SEPTIN3: variants seen among roughly 807,000 people sequenced by gnomAD.
The protein encoded by SEPTIN3 is septin 3.
In SEPTIN3, 15 loss-of-function variants were observed where a neutral mutation model predicts 45.1. The ratio of observed to expected loss-of-function variants is 0.33; its 90% CI spans 0.22 to 0.51. The LOEUF is 0.51. Ranked by LOEUF, SEPTIN3 falls within the 20% of genes least tolerant of loss-of-function variation. SEPTIN3 has a pLI of 0.97. For missense variants in SEPTIN3, 289 were observed against 457.2 expected (o/e 0.63, Z 3.35); for synonymous variants, 148 against 164.8 (o/e 0.90, Z 0.78).
At chr22:41,987,318 A>G (rs771408624) in intron 5 of SEPTIN3, 31 bp downstream of exon 5, 6 of 1,567,050 alleles carry the variant, frequency 3.8e-6, no homozygotes, top group South Asian at 3.4e-5. Context: ...TCTTTGCCCT[A>G]AAGACTCTGC....
At chr22:41,991,722 T>C (rs2078321086) in intron 8 of SEPTIN3, 54 bp downstream of exon 8, 3 of 1,163,302 alleles carry the variant, frequency 2.6e-6, no homozygotes, top group Non-Finnish European at 3.9e-6. Context: ...ACCTCTGGGA[T>C]GTGTATTGTG....
chr22:41,977,213 C>A, intron 2 of SEPTIN3: 2 of 753,196 alleles, frequency 2.7e-6, no homozygotes, highest in Non-Finnish European at 2.0e-6. Context: ...CACACGCACA[C>A]ACGGTGGCAC....
At chr22:41,993,828 T>C (rs2078368862) in intron 9 of SEPTIN3, among the ~76,000 whole-genome samples, 1 of 152,214 alleles carries the variant, frequency 6.6e-6, no homozygotes, top group South Asian at 2.1e-4. Context: ...CCAACAGTGC[T>C]TGGCCAATGA....
rs1382989040 is a variant in SEPTIN3, at chr22:41,972,428, G to A, written c.936G>A (p.Ser312=). The change falls in exon 2 of 12, where the codon TCG becomes TCA. Residue 312 remains serine (S), a synonymous_variant. Coordinates refer to ENST00000644076, the MANE Select transcript of SEPTIN3 (RefSeq NM_001363845.2). ...TGGGCACAGCCAGAGACTTGTCTTC[G>A]GTAGGGACAGTCAAGTCAGGCAAAA... ...IKLGTARDLS[S]VGTVKSGKTV... The A allele has an allele frequency of 1.5e-5, 6 of 398,686 alleles. No individual in the cohort carries two copies. Among genetic ancestry groups the A allele is most frequent in the South Asian group, 1.3e-4 (1 of 7,828 alleles). The allele number at this position is 398,686 out of a possible 1,614,324, so 24.7% of individuals were successfully genotyped here.
chr22:41,992,828 C>A, intron 9 of SEPTIN3, 65 bp downstream of exon 9: 4 of 1,096,934 alleles, frequency 3.6e-6, no homozygotes, highest in African/African-American at 1.5e-5. Context: ...ATTTATTAAG[C>A]ATCTATAGGT....
At position 41,991,665 on chromosome 22, in the gene SEPTIN3, C is replaced by A; in HGVS notation, c.2256C>A (p.Ile752=). The A allele has an allele frequency of 6.2e-7, 1 of 1,609,586 alleles. No individual in the cohort carries two copies. Residue 752 remains isoleucine, a synonymous_variant, in exon 8 of 12, where the codon ATC becomes ATA. Coordinates refer to ENST00000644076, the MANE Select transcript of SEPTIN3 (RefSeq NM_001363845.2). The part of the protein sequence containing the change: ...DLEDKTENDK[I]RQESMPFAVV... ...AGGATAAGACGGAGAATGACAAAATCAGGGTGGGTGCCTGGGGCACTGCTC... is the reference window on the plus strand; with the variant it reads ...AGGATAAGACGGAGAATGACAAAATAAGGGTGGGTGCCTGGGGCACTGCTC...
In SEPTIN3 at chr22:41,981,758, A is replaced by G. The variant is rs990453427; in HGVS notation, c.1618A>G (p.Ile540Val). Reference protein sequence around the residue: ...MSINSNLLGYIGIDTIIEQMR... With the variant: ...MSINSNLLGYVGIDTIIEQMR... Reference sequence around the variant, plus strand: ...CATCAACTCCAACCTGCTGGGCTACATCGGCATCGACACCATCATCGAGCA... The same window carrying G: ...CATCAACTCCAACCTGCTGGGCTACGTCGGCATCGACACCATCATCGAGCA... The change falls in exon 3 of 12, where the codon ATC (isoleucine) becomes GTC (valine). Residue 540 changes from isoleucine to valine, a missense_variant. Coordinates refer to ENST00000644076, the MANE Select transcript of SEPTIN3 (RefSeq NM_001363845.2). 11 of 1,614,008 alleles carry G rather than the reference A, an allele frequency of 6.8e-6. No homozygotes were observed. The highest frequency in any genetic ancestry group is 6.7e-5 in the East Asian group (3 of 44,900).
chr22:41,989,163 G>GTT (rs1233667847), intron 6 of SEPTIN3, among the ~76,000 whole-genome samples: 16 of 142,202 alleles, frequency 1.1e-4, no homozygotes, highest in African/African-American at 4.1e-4. Flanking sequence ...ACACAGTGTT[G>GTT]TTTTTTTTTG....
intron 8 of SEPTIN3, 52 bp downstream of exon 8, chr22:41,991,720 G>C (rs1255533267): frequency 8.4e-7 from 1 of 1,187,790 alleles, no homozygotes; most frequent in Non-Finnish European, 1.3e-6. Context: ...CGACCTCTGG[G>C]ATGTGTATTG....
rs1304329161 is a variant in SEPTIN3 at position 41,997,540 on chromosome 22, T to A, written c.*573T>A. On this transcript the variant is annotated 3_prime_UTR_variant, in exon 12 of 12. Transcript: ENST00000644076. ...ATCACCACTTGTGGCTGTCCCAGAG[T>A]GCGGTTGTACATCCTCCCCACCTCA... The A allele has an allele frequency of 6.6e-6, 1 of 152,352 alleles. No homozygotes were observed. The highest frequency in any genetic ancestry group is 1.5e-5 in the Non-Finnish European group (1 of 68,134). 9.4% of individuals were successfully genotyped at this position (152,352 alleles called of 1,614,324 possible).
At chr22:41,995,655 T>C (rs1482096341) in intron 11 of SEPTIN3, 1 of 985,316 alleles carries the variant, frequency 1.0e-6, no homozygotes, top group Non-Finnish European at 1.2e-6. Context: ...TAGACTGCCT[T>C]TCACATAAAA....
intron 11 of SEPTIN3, chr22:41,995,973 C>G (rs2078427979): frequency 7.1e-6 from 7 of 984,912 alleles, no homozygotes; most frequent in Non-Finnish European, 7.2e-6. Flanking sequence ...AATTTTTGAC[C>G]ACACCTCCGT....
Position 41,987,292 on chromosome 22 carries a change from C to T in SEPTIN3, c.1907+5C>T. ...CCAAATCAACAATGAAAACTGGTAT[C>T]TGTCTGCCTCTGAGATCTTTGCCCT... On this transcript the variant is annotated splice_donor_5th_base_variant and intron_variant, in intron 5 of 11. Coordinates refer to ENST00000644076, the MANE Select transcript of SEPTIN3 (RefSeq NM_001363845.2). 1 of 1,608,598 alleles carries T rather than the reference C, an allele frequency of 6.2e-7. No homozygotes were observed. The highest frequency in any genetic ancestry group is 8.5e-7 in the Non-Finnish European group (1 of 1,176,206).
intron 11 of SEPTIN3, 51 bp from the exon 12 acceptor site, chr22:41,996,851 G>T: frequency 6.2e-7 from 1 of 1,610,086 alleles, no homozygotes; most frequent in Non-Finnish European, 8.5e-7. Context: ...TTATATGTCT[G>T]CTGCCAGCTG....
At chr22:41,990,429 A>G (rs2078288062) in intron 7 of SEPTIN3, among the ~76,000 whole-genome samples, 1 of 151,856 alleles carries the variant, frequency 6.6e-6, no homozygotes, top group African/African-American at 2.4e-5. Flanking sequence ...AGAGAAATGA[A>G]AAGACAATTG....
At chr22:41,992,824 T>G (rs2078340399) in intron 9 of SEPTIN3, 61 bp downstream of exon 9, 12 of 1,116,996 alleles carry the variant, frequency 1.1e-5, no homozygotes, top group Non-Finnish European at 1.6e-5. Flanking sequence ...CACCATTTAT[T>G]AAGCATCTAT....
chr22:41,974,624 C>T (rs2077996396), intron 2 of SEPTIN3, among the ~76,000 whole-genome samples: 2 of 149,066 alleles, frequency 1.3e-5, no homozygotes, highest in Admixed American at 6.7e-5. Context: ...GATTGCGCCA[C>T]TGCAATCCAG....
In SEPTIN3 at chr22:41,994,462, T is replaced by A; in HGVS notation, c.2411+121T>A. The A allele has an allele frequency of 6.6e-7, 1 of 1,506,898 alleles. No homozygotes were observed. The allele number at this position is 1,506,898 out of a possible 1,614,324, so 93.3% of individuals were successfully genotyped here. A position where few individuals can be genotyped will look rare whatever the true frequency, so the allele number is the denominator to read the frequency against. ...CTCTGACAGAGCTTTCTGCCCCAGT[T>A]CCAGCTCCTGTTGCAAAATGGAAGG... is the stretch of plus-strand genomic sequence containing the variant. On this transcript the variant is annotated intron_variant, in intron 10 of 11. Transcript: ENST00000644076. The surrounding 1 kb of genome is among the most constrained non-coding windows in gnomAD (Gnocchi z 4.2).
intron 11 of SEPTIN3, chr22:41,996,172 C>A (rs1348921452): frequency 2.0e-6 from 2 of 985,146 alleles, no homozygotes; most frequent in Admixed American, 6.2e-5. Flanking sequence ...CCAATGATAC[C>A]CACCGTCATA....
Sources: allele counts gnomAD v4.1 joint callset (sites outside exome capture counted in the v4.1 genomes callset), GRCh38; gene constraint gnomAD v4.1.1; non-coding constraint Gnocchi (gnomAD v3.1); transcripts MANE v1.5; gene names NCBI Gene and HGNC (gene_info 2026-07-23, HGNC 2026-07-21).